TBL1XR1: variants seen among roughly 807,000 people sequenced by gnomAD.
TBL1XR1 encodes TBL1X/Y related 1.
Under a neutral mutation model 66.9 loss-of-function variants are expected in TBL1XR1, and 5 were observed. That is an observed-to-expected ratio of 0.07 (90% CI 0.04 to 0.16). The LOEUF is 0.16. TBL1XR1 is among the 10% of genes least tolerant of loss of function. The probability of loss-of-function intolerance (pLI) is 1.00; values close to 1 mark genes in which losing one functional copy is unlikely to be tolerated. For missense variants in TBL1XR1, 238 were observed against 623.2 expected (o/e 0.38, Z 6.58); for synonymous variants, 210 against 206.0 (o/e 1.02, Z -0.17).
intron 1 of TBL1XR1, among the ~76,000 whole-genome samples, chr3:177,193,374 G>C (rs189833032): frequency 4.6e-5 from 7 of 151,624 alleles, no homozygotes; most frequent in African/African-American, 1.7e-4. Context: ...GCAATGGCGC[G>C]ATCTTGGCTC....
chr3:177,057,932 T>C (rs906524458), intron 3 of TBL1XR1, among the ~76,000 whole-genome samples: 4 of 152,132 alleles, frequency 2.6e-5, no homozygotes, highest in African/African-American at 9.7e-5. Context: ...GTGGCACGCA[T>C]GAAGATCACA....
chr3:177,191,522 G>A (rs997705816), intron 1 of TBL1XR1, among the ~76,000 whole-genome samples: 6 of 152,150 alleles, frequency 3.9e-5, no homozygotes, highest in African/African-American at 1.4e-4. Flanking sequence ...ACTTGTCAAA[G>A]CACCTGTATA....
intron 1 of TBL1XR1, chr3:177,163,892 T>C (rs1325789042): frequency 2.0e-5 from 3 of 152,234 alleles, no homozygotes; most frequent in South Asian, 4.1e-4. Context: ...AATGTATCAA[T>C]AGTTTAGATT....
intron 1 of TBL1XR1, 45 bp downstream of exon 1, chr3:177,197,076 G>A (rs1050903044): frequency 7.3e-6 from 1 of 137,292 alleles, no homozygotes; most frequent in Non-Finnish European, 1.6e-5. Flanking sequence ...CCCCCGCCCA[G>A]GCCCCCGGCC....
At chr3:177,065,931 C>T (rs1719100732) in intron 2 of TBL1XR1, among the ~76,000 whole-genome samples, 1 of 152,080 alleles carries the variant, frequency 6.6e-6, no homozygotes, top group Non-Finnish European at 1.5e-5. Flanking sequence ...AAGTATTATT[C>T]TTCTGATTTT....
intron 2 of TBL1XR1, among the ~76,000 whole-genome samples, chr3:177,097,767 G>C (rs1723678849): frequency 6.6e-6 from 1 of 152,124 alleles, no homozygotes; most frequent in Non-Finnish European, 1.5e-5. Context: ...GACAAAAATA[G>C]AAGAGCAAAA....
At chr3:177,043,783 G>A (rs1715942488) in intron 10 of TBL1XR1, among the ~76,000 whole-genome samples, 1 of 151,830 alleles carries the variant, frequency 6.6e-6, no homozygotes, top group African/African-American at 2.4e-5. Context: ...CCTTCATTTG[G>A]ATTAATTGGA....
rs1233434903 is a variant in TBL1XR1, at chr3:177,197,460, T to A, written c.-461A>T. ...TGAGGCAGAAGGTAAAAGCTGTTAC[T>A]AAGGGAAAGAGCCAAACGGTTCGGA... On this transcript the variant is annotated 5_prime_UTR_variant, in exon 1 of 16. Transcript: ENST00000457928. The A allele has an allele frequency of 6.9e-6, 1 of 145,866 alleles. No individual in the cohort carries two copies. The highest frequency in any genetic ancestry group is 1.5e-5 in the Non-Finnish European group (1 of 65,744). The allele number at this position is 145,866 out of a possible 1,614,324, so 9.0% of individuals were successfully genotyped here. A position where few individuals can be genotyped will look rare whatever the true frequency, so the allele number is the denominator to read the frequency against.
intron 1 of TBL1XR1, among the ~76,000 whole-genome samples, chr3:177,153,872 C>T (rs1577328011): frequency 1.6e-5 from 2 of 123,920 alleles, no homozygotes; most frequent in Admixed American, 8.6e-5. Context: ...AGCAAAACTC[C>T]ATCTCAAAAA....
intron 1 of TBL1XR1, among the ~76,000 whole-genome samples, chr3:177,115,094 G>C (rs1181215730): frequency 1.3e-5 from 2 of 152,116 alleles, no homozygotes; most frequent in African/African-American, 2.4e-5. Context: ...CCATGGGCAG[G>C]ATGGACTCCA....
At chr3:177,066,252 C>T (rs1205042111) in intron 2 of TBL1XR1, among the ~76,000 whole-genome samples, 2 of 152,080 alleles carry the variant, frequency 1.3e-5, no homozygotes, top group Non-Finnish European at 2.9e-5. Context: ...TGACTAAGTA[C>T]CACCCATCAA....
At chr3:177,135,423 G>A (rs370220096) in intron 1 of TBL1XR1, among the ~76,000 whole-genome samples, 12 of 131,690 alleles carry the variant, frequency 9.1e-5, no homozygotes, top group African/African-American at 2.3e-4. Flanking sequence ...TTGCTCTGTC[G>A]CCCAGGCTGG....
intron 14 of TBL1XR1, among the ~76,000 whole-genome samples, chr3:177,032,086 G>C (rs1467683448): frequency 1.3e-5 from 2 of 152,134 alleles, no homozygotes; most frequent in Middle Eastern, 6.8e-3. Context: ...TGAACTGTGC[G>C]GTAAAATATT....
chr3:177,147,741 T>C (rs1730425632), intron 1 of TBL1XR1, among the ~76,000 whole-genome samples: 1 of 152,214 alleles, frequency 6.6e-6, no homozygotes, highest in Non-Finnish European at 1.5e-5. Flanking sequence ...TAATCACTTC[T>C]ACTCATCTTC....
rs902492502 is a variant in TBL1XR1, at chr3:177,063,131, C to A, written c.58+1789G>T. Among the ~76,000 whole-genome samples, 7 of 151,958 alleles carry A rather than the reference C, an allele frequency of 4.6e-5. No individual in the cohort carries two copies. In the South Asian group the frequency reaches 6.2e-4, roughly 14 times the overall value. On this transcript the variant is annotated intron_variant, in intron 3 of 15. Coordinates refer to ENST00000457928, the MANE Select transcript of TBL1XR1 (RefSeq NM_024665.7). Reference sequence around the variant, plus strand: ...AACTCCGTCTCAAAAAACAAACAAACAAAAAAACCCACAACTTTTGATAAT... The same window carrying A: ...AACTCCGTCTCAAAAAACAAACAAAAAAAAAAACCCACAACTTTTGATAAT...
chr3:177,131,343 G>T (rs986086377), intron 1 of TBL1XR1: 2 of 985,118 alleles, frequency 2.0e-6, no homozygotes, highest in African/African-American at 1.7e-5. Flanking sequence ...TAGCAAGATG[G>T]GAAAGAGAAT....
chr3:177,107,377 T>A (rs1725010897), intron 1 of TBL1XR1, among the ~76,000 whole-genome samples: 1 of 152,218 alleles, frequency 6.6e-6, no homozygotes, highest in African/African-American at 2.4e-5. Flanking sequence ...GTTGGCATAA[T>A]CTAGACAGTA....
chr3:177,130,363 C>A (rs1169465334), intron 1 of TBL1XR1, among the ~76,000 whole-genome samples: 3 of 151,986 alleles, frequency 2.0e-5, no homozygotes, highest in East Asian at 3.9e-4. Context: ...AAGTATTATT[C>A]AGTCAAAAAC....
At chr3:177,065,944 T>C (rs1031508742) in intron 2 of TBL1XR1, among the ~76,000 whole-genome samples, 1 of 152,226 alleles carries the variant, frequency 6.6e-6, no homozygotes. Context: ...CTGATTTTTT[T>C]TTCCTAAGCA....
Sources: gnomAD v4.1 joint callset for allele counts (sites outside exome capture counted in the v4.1 genomes callset) on GRCh38, gnomAD v4.1.1 for gene constraint, MANE v1.5 for transcripts, NCBI Gene and HGNC (gene_info 2026-07-23, HGNC 2026-07-21) for gene names.